The following SMAD9 variants were observed in gnomAD, a reference collection of about 807,000 sequenced individuals.
The protein encoded by SMAD9 is SMAD family member 9, also known as MAD homolog 9.
In SMAD9, 36 loss-of-function variants were observed where a neutral mutation model predicts 46.1. The observed-to-expected ratio is 0.78, with a 90% CI of 0.60 to 1.03. SMAD9 has a LOEUF of 1.03. Among genes scored for constraint, SMAD9 ranks in the 50% least tolerant of loss-of-function variants. The probability of loss-of-function intolerance (pLI) is 0.00; values close to 1 mark genes in which losing one functional copy is unlikely to be tolerated. For synonymous variants in SMAD9, 245 were observed against 237.1 expected (o/e 1.03, Z -0.31); for missense variants, 572 against 599.8 (o/e 0.95, Z 0.48).
At chr13:36,873,430 C>T (rs1023041959) in intron 2 of SMAD9, among the ~76,000 whole-genome samples, 2 of 152,150 alleles carry the variant, frequency 1.3e-5, no homozygotes, top group African/African-American at 4.8e-5. Context: ...ATTTAGATGA[C>T]CAGACTCAAT....
intron 6 of SMAD9, chr13:36,851,890 T>C: frequency 1.0e-6 from 1 of 967,992 alleles, no homozygotes; most frequent in Non-Finnish European, 1.2e-6. Flanking sequence ...GATTTCTATA[T>C]AAGCTTATAT....
At chr13:36,861,495 T>C (rs1291304725) in intron 5 of SMAD9, among the ~76,000 whole-genome samples, 1 of 151,752 alleles carries the variant, frequency 6.6e-6, no homozygotes, top group Non-Finnish European at 1.5e-5. Flanking sequence ...TTTGTATTTT[T>C]AGTAGAGACA....
intron 1 of SMAD9, among the ~76,000 whole-genome samples, chr13:36,901,129 T>C (rs558333388): frequency 7.2e-5 from 11 of 152,362 alleles, no homozygotes; most frequent in Admixed American, 7.2e-4. Context: ...AGTGCTGCTA[T>C]AAACATTTGT....
chr13:36,851,715 T>C, intron 6 of SMAD9: 1 of 972,238 alleles, frequency 1.0e-6, no homozygotes, highest in South Asian at 4.8e-5. Context: ...CTACAGCTGC[T>C]CATCTCAAAT....
At chr13:36,904,337 T>C (rs2058601597) in intron 1 of SMAD9, among the ~76,000 whole-genome samples, 1 of 152,218 alleles carries the variant, frequency 6.6e-6, no homozygotes, top group Non-Finnish European at 1.5e-5. Flanking sequence ...TACAACAATA[T>C]GTGAAGTGTA....
intron 3 of SMAD9, among the ~76,000 whole-genome samples, chr13:36,872,015 C>G (rs928222071): frequency 1.6e-4 from 25 of 152,168 alleles, no homozygotes; most frequent in Admixed American, 1.6e-3. Flanking sequence ...ATCTTTTATT[C>G]ATTATCTCAA....
intron 1 of SMAD9, among the ~76,000 whole-genome samples, chr13:36,895,960 T>C (rs780556655): frequency 9.2e-5 from 14 of 152,194 alleles, no homozygotes; most frequent in Non-Finnish European, 1.5e-4. Flanking sequence ...CAGTTTCCTA[T>C]TTATGTTACC....
At chr13:36,884,080 G>A (rs941143143) in intron 1 of SMAD9, among the ~76,000 whole-genome samples, 2 of 152,140 alleles carry the variant, frequency 1.3e-5, no homozygotes, top group South Asian at 4.1e-4. Flanking sequence ...GTAGTAGTCT[G>A]AGCGCGACCT....
chr13:36,891,305 C>G (rs514439), intron 1 of SMAD9, among the ~76,000 whole-genome samples: 6 of 152,170 alleles, frequency 3.9e-5, no homozygotes, highest in African/African-American at 1.2e-4. Flanking sequence ...TATTGAGACT[C>G]TATCATGCAC....
At chr13:36,860,489 G>C (rs1313000025) in intron 5 of SMAD9, among the ~76,000 whole-genome samples, 1 of 140,858 alleles carries the variant, frequency 7.1e-6, no homozygotes, top group Non-Finnish European at 1.5e-5. Flanking sequence ...TCGCTCTGTC[G>C]CCCAGGCTGG....
At chr13:36,878,759 A>G (rs1219564949) in intron 2 of SMAD9, among the ~76,000 whole-genome samples, 1 of 151,970 alleles carries the variant, frequency 6.6e-6, no homozygotes, top group African/African-American at 2.4e-5. Flanking sequence ...AGGATGTTTA[A>G]TTTTTACAGC....
intron 5 of SMAD9, among the ~76,000 whole-genome samples, chr13:36,864,098 T>C (rs1342655830): frequency 1.3e-5 from 2 of 152,232 alleles, no homozygotes; most frequent in Admixed American, 6.5e-5. Context: ...TGTTAATGTT[T>C]TGCCTTGAGA....
At chr13:36,880,583 G>GC (rs777607327) in intron 1 of SMAD9, among the ~76,000 whole-genome samples, 4 of 152,210 alleles carry the variant, frequency 2.6e-5, no homozygotes, top group Non-Finnish European at 5.9e-5. Context: ...CTCAAAGTGT[G>GC]CCCCAAGGAT....
intron 3 of SMAD9, 134 bp from the exon 4 acceptor site, chr13:36,867,517 G>C: frequency 1.8e-6 from 1 of 562,894 alleles, no homozygotes; most frequent in South Asian, 2.8e-5. Flanking sequence ...CCATATTAAT[G>C]TAACAAGGCT....
At chr13:36,893,823 G>A (rs1046169473) in intron 1 of SMAD9, among the ~76,000 whole-genome samples, 23 of 151,962 alleles carry the variant, frequency 1.5e-4, no homozygotes, top group Non-Finnish European at 7.4e-5. Context: ...GAAGGCAGGG[G>A]AGTAGCCCAA....
At chr13:36,864,016 C>T (rs966541579) in intron 5 of SMAD9, among the ~76,000 whole-genome samples, 3 of 152,200 alleles carry the variant, frequency 2.0e-5, no homozygotes, top group Admixed American at 6.6e-5. Flanking sequence ...TTTGGATCCA[C>T]TGGCACCAGC....
intron 1 of SMAD9, among the ~76,000 whole-genome samples, chr13:36,885,841 C>A (rs948768361): frequency 1.3e-5 from 2 of 151,578 alleles, no homozygotes; most frequent in African/African-American, 4.9e-5. Flanking sequence ...AGCCTGTGAC[C>A]CCAAAAAGGT....
intron 1 of SMAD9, among the ~76,000 whole-genome samples, chr13:36,882,190 A>C (rs1256464453): frequency 2.0e-5 from 3 of 151,806 alleles, no homozygotes; most frequent in African/African-American, 2.4e-5. Context: ...GTATAATAAT[A>C]ATCATTTCAT....
rs1215576690 is a variant in SMAD9, at chr13:36,848,801, G to C, written c.1279C>G (p.His427Asp). ...GGGGTGCTGGTGACATCCTGGCGATGATACTCAGCACCCCAACCCTGAAAA... is the reference window on the plus strand; with the variant it reads ...GGGGTGCTGGTGACATCCTGGCGATCATACTCAGCACCCCAACCCTGAAAA... ...SFVKGWGAEY[H>D]RQDVTSTPCW... is the part of the protein sequence containing the mutation. Residue 427 changes from histidine (H) to aspartate (D), a missense_variant, in exon 7 of 7, where the codon CAT (histidine) becomes GAT (aspartate). Coordinates refer to ENST00000379826, the MANE Select transcript of SMAD9 (RefSeq NM_001127217.3). 1 of 1,614,002 alleles carries C rather than the reference G, an allele frequency of 6.2e-7. No individual in the cohort carries two copies. Among genetic ancestry groups the C allele is most frequent in the South Asian group, 1.1e-5 (1 of 91,076 alleles).
Sources: gnomAD v4.1 joint callset for allele counts (sites outside exome capture counted in the v4.1 genomes callset) on GRCh38, gnomAD v4.1.1 for gene constraint, MANE v1.5 for transcripts, NCBI Gene and HGNC (gene_info 2026-07-23, HGNC 2026-07-21) for gene names.